Variants in MICAL2 observed in about 807,000 individuals in gnomAD.
MICAL2 encodes the protein [F-actin]-monooxygenase MICAL2.
In MICAL2, 77 loss-of-function variants were observed where a neutral mutation model predicts 127.3. The observed-to-expected ratio is 0.60, with a 90% CI of 0.50 to 0.73. MICAL2 has a LOEUF of 0.73. MICAL2 is among the 30% of genes least tolerant of loss of function. The pLI, the probability that MICAL2 is intolerant of heterozygous loss-of-function variation, is 0.00. For missense variants in MICAL2, 1,351 were observed against 1,434.4 expected, an observed-to-expected ratio of 0.94 and a Z score of 0.94; for synonymous variants, 570 against 551.1, an observed-to-expected ratio of 1.03 and a Z score of -0.48.
chr11:12,331,075 C>A (rs887596558), intron 32 of MICAL2, among the ~76,000 whole-genome samples: 1 of 152,062 alleles, frequency 6.6e-6, no homozygotes, highest in African/African-American at 2.4e-5. Flanking sequence ...GAGGCCAAGC[C>A]CAGCTCTGCA....
At chr11:12,283,066 G>A (rs929778106) in intron 2 of MICAL2, among the ~76,000 whole-genome samples, 25 of 152,164 alleles carry the variant, frequency 1.6e-4, no homozygotes, top group Admixed American at 1.2e-3. Context: ...ATTCTTTGTC[G>A]AGTTAGTCTT....
At chr11:12,356,235 G>C (rs1011269427) in intron 34 of MICAL2, among the ~76,000 whole-genome samples, 1 of 152,092 alleles carries the variant, frequency 6.6e-6, no homozygotes, top group African/African-American at 2.4e-5. Context: ...GTCTGTACCT[G>C]AGCTCATCTT....
chr11:12,156,895 A>T (rs1019886646), intron 2 of MICAL2, among the ~76,000 whole-genome samples: 1 of 152,238 alleles, frequency 6.6e-6, no homozygotes, highest in Admixed American at 6.5e-5. Flanking sequence ...TGTGGGGGGA[A>T]CACCCCACTT....
downstream of MICAL2, among the ~76,000 whole-genome samples, chr11:12,267,411 T>G (rs145160681): frequency 2.9e-3 from 446 of 152,262 alleles, 6 homozygotes; most frequent in African/African-American, 0.01. Context: ...GAGTCATTCT[T>G]GACTCTTCTT....
intron 30 of MICAL2, among the ~76,000 whole-genome samples, chr11:12,320,975 C>T (rs1013754274): frequency 1.3e-5 from 2 of 151,622 alleles, no homozygotes; most frequent in African/African-American, 4.9e-5. Context: ...TTCTTACTGC[C>T]CCTCTCATCC....
rs570091280 is a variant in MICAL2 at position 12,147,371 on chromosome 11, G to C, written c.-78+8911G>C. 7.2e-5 allele frequency among the ~76,000 whole-genome samples: 11 copies of C among 152,264 alleles called. No individual in the cohort carries two copies. The South Asian group carries it at 2.3e-3, about 32-fold the overall frequency. On this transcript the variant is annotated intron_variant, in intron 2 of 27. Transcript: ENST00000683283. ...ACTACCTACTGGGAGCAGGCACCATGTTGGCACTGGAATTACAAAGATGAA... is the reference window on the plus strand; with the variant it reads ...ACTACCTACTGGGAGCAGGCACCATCTTGGCACTGGAATTACAAAGATGAA...
intron 26 of MICAL2, chr11:12,260,224 G>T: frequency 2.1e-6 from 3 of 1,453,312 alleles, no homozygotes; most frequent in Non-Finnish European, 2.7e-6. Flanking sequence ...GCTTCAGATG[G>T]CAGTGCGTTT....
At chr11:12,327,056 G>C in intron 31 of MICAL2, 1 of 854,744 alleles carries the variant, frequency 1.2e-6, no homozygotes, top group East Asian at 2.6e-5. Context: ...AGTTATTCAA[G>C]GCAGGACCAT....
chr11:12,256,682 C>G, intron 23 of MICAL2, 103 bp from the exon 24 acceptor site: 1 of 1,130,050 alleles, frequency 8.8e-7, no homozygotes, highest in Non-Finnish European at 1.2e-6. Context: ...CAGAAGCCCA[C>G]GAGGTCCCCA....
At chr11:12,341,480 A>C (rs765745220) in intron 32 of MICAL2, among the ~76,000 whole-genome samples, 3 of 152,050 alleles carry the variant, frequency 2.0e-5, no homozygotes, top group South Asian at 2.1e-4. Flanking sequence ...AAAAAAAGAC[A>C]TAAGTTTAAA....
intron 34 of MICAL2, chr11:12,354,955 C>A: frequency 8.7e-7 from 1 of 1,151,742 alleles, no homozygotes; most frequent in South Asian, 1.4e-5. Context: ...TCCTGCCTGC[C>A]AGCCTGCAAG....
chr11:12,242,229 G>C lies in MICAL2; in HGVS notation c.2353G>C (p.Val785Leu), dbSNP rs537022614. The C allele has an allele frequency of 1.2e-6, 2 of 1,607,398 alleles. No individual in the cohort carries two copies. The highest frequency in any genetic ancestry group is 1.7e-5 in the Admixed American group (1 of 59,722). ...PLKRQFPSVV[V>L]TGHVLRELKQ... is the part of the protein sequence containing the mutation. ...TCTTTCCCAGTTCCCCTCTGTGGTC[G>C]TGACGGGGCACGTGCTCAGAGAGCT... is the stretch of plus-strand genomic sequence containing the variant. The change falls in exon 19 of 28, where the codon GTG becomes CTG. Residue 785 changes from valine to leucine, a missense_variant. Physicochemically the swap from Val to Leu is conservative, Grantham distance 32 (BLOSUM62 1). Around this residue, in one of 2 missense-constraint regions of MICAL2, gnomAD observed 752 missense variants for 719.4 expected, o/e 1.05. Coordinates refer to ENST00000683283, the MANE Select transcript of MICAL2 (RefSeq NM_001282663.2).
chr11:12,242,356 C>G lies in MICAL2; in HGVS notation c.2480C>G (p.Pro827Arg), dbSNP rs1459994475. The G allele has an allele frequency of 3.7e-5, 60 of 1,614,116 alleles. No homozygotes were observed. Among genetic ancestry groups the G allele is most frequent in the Non-Finnish European group, 5.1e-5 (60 of 1,179,992 alleles). Residue 827 changes from proline to arginine, a missense_variant, in exon 19 of 28, where the codon CCT becomes CGT. Pro to Arg is a moderately radical substitution (Grantham distance 103). Coordinates refer to ENST00000683283, the MANE Select transcript of MICAL2 (RefSeq NM_001282663.2). ...GGGACAGAAAATTTCGCTACCCTGCCTTCTACCCGCCCGAGGGCGCAGGCT... is the reference window on the plus strand; with the variant it reads ...GGGACAGAAAATTTCGCTACCCTGCGTTCTACCCGCCCGAGGGCGCAGGCT... ...LGGTENFATL[P>R]STRPRAQALS...
downstream of MICAL2, chr11:12,294,541 C>G (rs759777504): frequency 6.2e-7 from 1 of 1,614,018 alleles, no homozygotes; most frequent in Non-Finnish European, 8.5e-7. Flanking sequence ...TTGAAGATGT[C>G]CCCACACTCC....
At chr11:12,156,240 C>G (rs1854173395) in intron 2 of MICAL2, among the ~76,000 whole-genome samples, 2 of 152,094 alleles carry the variant, frequency 1.3e-5, no homozygotes, top group African/African-American at 4.8e-5. Context: ...CTTGGGTGCT[C>G]TTTCATTGGC....
chr11:12,206,858 C>T (rs1208638988), intron 4 of MICAL2, among the ~76,000 whole-genome samples: 1 of 152,158 alleles, frequency 6.6e-6, no homozygotes, highest in Non-Finnish European at 1.5e-5. Flanking sequence ...TCCTTCCTTC[C>T]TTTCTACCTG....
chr11:12,128,217 A>G (rs1212488838), intron 1 of MICAL2, among the ~76,000 whole-genome samples: 1 of 152,240 alleles, frequency 6.6e-6, no homozygotes, highest in Admixed American at 6.5e-5. Flanking sequence ...AGTTAAAAGT[A>G]CTACTGTTAC....
At chr11:12,256,051 C>A (rs985149787) in intron 23 of MICAL2, 3 of 319,206 alleles carry the variant, frequency 9.4e-6, no homozygotes, top group Non-Finnish European at 1.8e-5. Flanking sequence ...AATTGAATGG[C>A]CCTCACTTTC....
chr11:12,262,645 T>A, intron 27 of MICAL2, 108 bp downstream of exon 27: 1 of 943,212 alleles, frequency 1.1e-6, no homozygotes, highest in Non-Finnish European at 1.7e-6. Flanking sequence ...TGTGAGTGTC[T>A]TGCATACTGA....
Sources: gnomAD v4.1 joint callset for allele counts (sites outside exome capture counted in the v4.1 genomes callset) on GRCh38, gnomAD v4.1.1 for gene constraint, gnomAD v4.1.1 regional missense constraint, MANE v1.5 for transcripts, NCBI Gene and HGNC (gene_info 2026-07-23, HGNC 2026-07-21) for gene names.